DNAH3: variants seen among roughly 807,000 people sequenced by gnomAD.
DNAH3 encodes dynein axonemal heavy chain 3.
In DNAH3, 332 loss-of-function variants were observed where a neutral mutation model predicts 432.5. That is an observed-to-expected ratio of 0.77 (90% CI 0.70 to 0.84). The LOEUF (loss-of-function observed/expected upper bound fraction) is 0.84. Ranked by LOEUF, DNAH3 falls within the 40% of genes least tolerant of loss-of-function variation. The probability of loss-of-function intolerance (pLI) is 0.00; values close to 1 mark genes in which losing one functional copy is unlikely to be tolerated. For missense variants in DNAH3, 4,861 were observed against 5,114.0 expected, an observed-to-expected ratio of 0.95 and a Z score of 1.51; for synonymous variants, 1,956 against 1,900.2, an observed-to-expected ratio of 1.03 and a Z score of -0.76.
chr16:21,098,631 C>A, exon 17 of DNAH3: 1 of 1,612,604 alleles, frequency 6.2e-7, no homozygotes, highest in Non-Finnish European at 8.5e-7. Flanking sequence ...ACTCTGCAAA[C>A]GCCCGATTTA....
At chr16:21,118,931 A>G (rs2092272000) in intron 11 of DNAH3, among the ~76,000 whole-genome samples, 1 of 152,212 alleles carries the variant, frequency 6.6e-6, no homozygotes, top group African/African-American at 2.4e-5. Flanking sequence ...GGTCTCAGAA[A>G]AGGTCTTCAG....
chr16:21,139,058 C>T (rs1459795643), intron 5 of DNAH3, among the ~76,000 whole-genome samples: 1 of 152,154 alleles, frequency 6.6e-6, no homozygotes, highest in African/African-American at 2.4e-5. Flanking sequence ...TTTTATTATA[C>T]ACCCTAAACC....
intron 22 of DNAH3, among the ~76,000 whole-genome samples, 180 bp downstream of exon 22, chr16:21,070,530 G>A (rs1433359240): frequency 3.9e-5 from 6 of 152,092 alleles, no homozygotes; most frequent in Admixed American, 6.6e-5. Flanking sequence ...TGATCTGCCC[G>A]CCTCGGCCTC....
intron 20 of DNAH3, among the ~76,000 whole-genome samples, chr16:21,081,013 G>C (rs1411872556): frequency 6.6e-6 from 1 of 152,086 alleles, no homozygotes; most frequent in African/African-American, 2.4e-5. Flanking sequence ...CACCTCCTGG[G>C]TTCGAGCGAT....
intron 18 of DNAH3, among the ~76,000 whole-genome samples, 197 bp from the exon 19 acceptor site, chr16:21,087,257 C>T (rs947668602): frequency 6.6e-6 from 1 of 152,182 alleles, no homozygotes; most frequent in Non-Finnish European, 1.5e-5. Context: ...TCAACAGTAA[C>T]TCCTGTGACA....
intron 53 of DNAH3, among the ~76,000 whole-genome samples, chr16:20,960,366 A>G (rs2084763050): frequency 6.6e-6 from 1 of 152,160 alleles, no homozygotes; most frequent in African/African-American, 2.4e-5. Flanking sequence ...TAGAATTCTC[A>G]AAGTGCCGTA....
At chr16:21,083,034 T>TTC (rs1386794933) in intron 19 of DNAH3, among the ~76,000 whole-genome samples, 1 of 151,456 alleles carries the variant, frequency 6.6e-6, no homozygotes, top group Admixed American at 6.6e-5. Context: ...TTTTTTTTTT[T>TTC]GAGAGAGAGT....
intron 6 of DNAH3, among the ~76,000 whole-genome samples, chr16:21,135,842 CA>C: frequency 7.0e-6 from 1 of 142,060 alleles, no homozygotes; most frequent in East Asian, 2.1e-4. Flanking sequence ...ATGTTCAAGA[CA>C]AGCCTAGGCA....
chr16:21,057,152 G>C (rs2090163120), intron 27 of DNAH3, among the ~76,000 whole-genome samples: 1 of 152,074 alleles, frequency 6.6e-6, no homozygotes, highest in Non-Finnish European at 1.5e-5. Flanking sequence ...AGGCATGGTG[G>C]CTCCCAGCAC....
chr16:21,028,819 A>C (rs188836555), intron 37 of DNAH3, among the ~76,000 whole-genome samples: 1 of 152,328 alleles, frequency 6.6e-6, no homozygotes, highest in Admixed American at 6.5e-5. Flanking sequence ...TTAAGTTATA[A>C]GAAAGGCCTG....
At chr16:21,130,550 C>G (rs1420003777) in intron 7 of DNAH3, among the ~76,000 whole-genome samples, 2 of 152,134 alleles carry the variant, frequency 1.3e-5, no homozygotes, top group African/African-American at 4.8e-5. Context: ...GGTGATCCAC[C>G]CACCTCAGCC....
intron 14 of DNAH3, among the ~76,000 whole-genome samples, chr16:21,108,123 C>T (rs1242111189): frequency 1.3e-5 from 2 of 152,082 alleles, no homozygotes; most frequent in African/African-American, 2.4e-5. Context: ...CCACCCGCCT[C>T]GGCCTCCCAA....
At chr16:21,018,975 G>A (rs1441836183) in intron 41 of DNAH3, among the ~76,000 whole-genome samples, 1 of 151,922 alleles carries the variant, frequency 6.6e-6, no homozygotes, top group African/African-American at 2.4e-5. Flanking sequence ...AACACACACA[G>A]AAATAGAAAG....
chr16:21,067,476 G>C, intron 23 of DNAH3, 57 bp from the exon 24 acceptor site: 1 of 1,593,290 alleles, frequency 6.3e-7, no homozygotes, highest in Non-Finnish European at 8.6e-7. Context: ...TCTGAGATTG[G>C]TCATTGTATT....
chr16:21,106,184 A>C (rs1466194211), intron 15 of DNAH3, among the ~76,000 whole-genome samples: 3 of 150,878 alleles, frequency 2.0e-5, no homozygotes, highest in Non-Finnish European at 4.4e-5. Context: ...ATCTAAAAAA[A>C]AAAAAAAAAA....
At chr16:21,097,297 C>T in intron 18 of DNAH3, 58 bp downstream of exon 18, 1 of 1,581,244 alleles carries the variant, frequency 6.3e-7, no homozygotes, top group African/African-American at 1.4e-5. Flanking sequence ...TCAGAAGTGA[C>T]TGGGTGGATC....
intron 1 of DNAH3, among the ~76,000 whole-genome samples, chr16:21,153,778 A>C (rs1017786032): frequency 1.4e-4 from 21 of 152,174 alleles, no homozygotes; most frequent in African/African-American, 5.1e-4. Context: ...GCGAGGGCCC[A>C]CGGCTTCATT....
At chr16:20,970,063 T>A (rs1349236492) in intron 51 of DNAH3, 73 bp from the exon 52 acceptor site, 1 of 1,391,714 alleles carries the variant, frequency 7.2e-7, no homozygotes, top group African/African-American at 1.4e-5. Context: ...AGAGCTCCAC[T>A]CCTACATGAG....
intron 41 of DNAH3, among the ~76,000 whole-genome samples, chr16:21,004,628 G>A (rs1393163377): frequency 1.1e-4 from 17 of 151,864 alleles, no homozygotes; most frequent in African/African-American, 2.7e-4. Flanking sequence ...TTGGCCTCCC[G>A]AAGTGCTAGG....
Sources: gnomAD v4.1 joint callset for allele counts (sites outside exome capture counted in the v4.1 genomes callset) on GRCh38, gnomAD v4.1.1 for gene constraint, MANE v1.5 for transcripts, NCBI Gene and HGNC (gene_info 2026-07-23, HGNC 2026-07-21) for gene names.